Variants in COPG2 observed in about 807,000 individuals in gnomAD.
COPG2 encodes coat protein complex I subunit gamma 2.
A neutral mutation model predicts 46.3 loss-of-function variants in COPG2; 37 were observed. The ratio of observed to expected loss-of-function variants is 0.80; its 90% CI spans 0.61 to 1.05. The LOEUF is 1.05. Ranked by LOEUF, COPG2 falls within the 50% of genes least tolerant of loss-of-function variation. The pLI is 0.00. For missense variants in COPG2, 427 were observed against 387.8 expected, an observed-to-expected ratio of 1.10 and a Z score of -0.85; for synonymous variants, 159 against 129.7, an observed-to-expected ratio of 1.23 and a Z score of -1.53.
chr7:130,550,176 C>T (rs1793513809), intron 17 of COPG2, among the ~76,000 whole-genome samples: 2 of 151,808 alleles, frequency 1.3e-5, no homozygotes, highest in African/African-American at 4.8e-5. Context: ...TGTGGGAGGC[C>T]GAGGTGGGTG....
chr7:130,616,944 T>G, intron 6 of COPG2, 46 bp downstream of exon 6: 1 of 1,272,468 alleles, frequency 7.9e-7, no homozygotes, highest in Non-Finnish European at 1.1e-6. Context: ...CACCTGCAGA[T>G]AAACATAGTG....
chr7:130,632,415 T>C (rs1357489548), intron 5 of COPG2, among the ~76,000 whole-genome samples: 4 of 152,236 alleles, frequency 2.6e-5, no homozygotes, highest in Admixed American at 2.6e-4. Flanking sequence ...ATTAAGTGAC[T>C]GAGAGCAGAG....
chr7:130,602,877 T>G (rs782486986), intron 9 of COPG2: 5 of 152,196 alleles, frequency 3.3e-5, no homozygotes, highest in Non-Finnish European at 5.9e-5. Flanking sequence ...CAAGATCAGA[T>G]GAGACCTGGC....
intron 7 of COPG2, 41 bp downstream of exon 7, chr7:130,613,503 T>A: frequency 7.9e-7 from 1 of 1,260,504 alleles, no homozygotes; most frequent in South Asian, 1.3e-5. Context: ...AACTCAAAAC[T>A]GTACCATGCT....
At chr7:130,538,502 A>C (rs913446358) in intron 20 of COPG2, among the ~76,000 whole-genome samples, 3 of 152,116 alleles carry the variant, frequency 2.0e-5, no homozygotes, top group Non-Finnish European at 4.4e-5. Flanking sequence ...ATCAAGGCCA[A>C]CCCATAGGAT....
At chr7:130,591,573 G>A (rs1382786878) in intron 9 of COPG2, among the ~76,000 whole-genome samples, 9 of 127,200 alleles carry the variant, frequency 7.1e-5, no homozygotes, top group Admixed American at 3.8e-4. Flanking sequence ...CCCTCTGCCC[G>A]GCCAGCCGCC....
At chr7:130,517,864 A>C (rs1799692040) in intron 20 of COPG2, among the ~76,000 whole-genome samples, 1 of 152,212 alleles carries the variant, frequency 6.6e-6, no homozygotes, top group South Asian at 2.1e-4. Flanking sequence ...TGTGGACTAA[A>C]AAGAACTGGA....
chr7:130,582,505 A>T (rs1794172517), intron 9 of COPG2, among the ~76,000 whole-genome samples: 2 of 151,906 alleles, frequency 1.3e-5, no homozygotes. Flanking sequence ...ATGGGATCTA[A>T]TTAAACTAAA....
intron 6 of COPG2, among the ~76,000 whole-genome samples, chr7:130,613,887 C>G (rs1339421290): frequency 6.6e-6 from 1 of 152,140 alleles, no homozygotes; most frequent in African/African-American, 2.4e-5. Flanking sequence ...ATGAAATAAA[C>G]TGTCTCAAAA....
intron 3 of COPG2, among the ~76,000 whole-genome samples, chr7:130,664,453 T>C (rs938662355): frequency 6.6e-6 from 1 of 152,256 alleles, no homozygotes. Flanking sequence ...TTTTTAGTTA[T>C]ACAGGAAAAC....
intron 4 of COPG2, 144 bp downstream of exon 4, chr7:130,662,823 T>G: frequency 1.6e-6 from 1 of 634,470 alleles, no homozygotes; most frequent in East Asian, 2.8e-5. Flanking sequence ...TCACGTCTTA[T>G]AATGAATATT....
intron 20 of COPG2, among the ~76,000 whole-genome samples, chr7:130,517,957 T>G (rs1799692631): frequency 2.0e-5 from 3 of 151,500 alleles, no homozygotes; most frequent in Non-Finnish European, 4.4e-5. Flanking sequence ...GTGTAGATGG[T>G]GAAGAGCAGC....
At chr7:130,577,623 C>T (rs1343242112) in intron 9 of COPG2, among the ~76,000 whole-genome samples, 18 of 151,218 alleles carry the variant, frequency 1.2e-4, no homozygotes, top group East Asian at 5.9e-4. Context: ...TAGCCGGGCG[C>T]GGTGGCGGGC....
intron 10 of COPG2, among the ~76,000 whole-genome samples, chr7:130,563,759 AAAAAAAAAAAAAAAG>A (rs1381720062): frequency 1.6e-5 from 2 of 122,356 alleles, no homozygotes; most frequent in Admixed American, 8.5e-5. Flanking sequence ...CCGTCTCAAA[AAAAAAAAAAAAAAAG>A]AAAAAAAAAA....
chr7:130,619,051 A>G (rs1389981782), intron 5 of COPG2, among the ~76,000 whole-genome samples: 1 of 152,058 alleles, frequency 6.6e-6, no homozygotes, highest in African/African-American at 2.4e-5. Context: ...ATTTCTTTTA[A>G]TAGGCAATGT....
chr7:130,516,912 C>T (rs1799682989), intron 20 of COPG2, among the ~76,000 whole-genome samples: 1 of 152,116 alleles, frequency 6.6e-6, no homozygotes, highest in South Asian at 2.1e-4. Context: ...GTAGGCAGAT[C>T]TGAGAGCACA....
At chr7:130,607,807 T>C (rs1179655281) in intron 9 of COPG2, 3 of 519,800 alleles carry the variant, frequency 5.8e-6, no homozygotes, top group African/African-American at 3.8e-5. Context: ...CATCCTACAC[T>C]GAGGAATTAC....
chr7:130,567,702 C>T lies in COPG2; in HGVS notation c.738-3309G>A, dbSNP rs1045885266. ...AATTATCAGCCAAGAATTTTGTATC[C>T]AGTGAAACTAAGCTTCATAAATGAA... On this transcript the variant is annotated intron_variant, in intron 9 of 23. Coordinates refer to ENST00000425248, the MANE Select transcript of COPG2 (RefSeq NM_012133.6). Among the ~76,000 whole-genome samples the T allele has an allele frequency of 3.9e-3, 590 of 152,242 alleles. 6 individuals are homozygous for T. The highest frequency in any genetic ancestry group is 0.014 in the African/African-American group (562 of 41,522).
intron 20 of COPG2, among the ~76,000 whole-genome samples, chr7:130,525,092 G>A (rs1799760951): frequency 2.6e-5 from 4 of 152,190 alleles, no homozygotes; most frequent in African/African-American, 9.7e-5. Flanking sequence ...GAGAAAAAGA[G>A]AGACGTGGGA....
Sources: gnomAD v4.1 joint callset for allele counts (sites outside exome capture counted in the v4.1 genomes callset) on GRCh38, gnomAD v4.1.1 for gene constraint, MANE v1.5 for transcripts, NCBI Gene and HGNC (gene_info 2026-07-23, HGNC 2026-07-21) for gene names.